The following KHDRBS2 variants were observed in gnomAD, a reference collection of about 807,000 sequenced individuals.
KHDRBS2 encodes KH domain-containing, RNA-binding, signal transduction-associated protein 2.
Under a neutral mutation model 44.3 loss-of-function variants are expected in KHDRBS2, and 26 were observed. The ratio of observed to expected loss-of-function variants is 0.59; its 90% CI spans 0.43 to 0.81. The LOEUF (loss-of-function observed/expected upper bound fraction) is 0.81. Among genes scored for constraint, KHDRBS2 ranks in the 40% least tolerant of loss-of-function variants. The pLI, the probability that KHDRBS2 is intolerant of heterozygous loss-of-function variation, is 0.00. For synonymous variants in KHDRBS2, 194 were observed against 151.1 expected (o/e 1.28, Z -2.08); for missense variants, 476 against 433.1 (o/e 1.10, Z -0.88).
At chr6:62,186,118 A>G (rs1823362569) in intron 1 of KHDRBS2, among the ~76,000 whole-genome samples, 1 of 152,058 alleles carries the variant, frequency 6.6e-6, no homozygotes, top group Non-Finnish European at 1.5e-5. Context: ...GACACTTGCC[A>G]ACAAGTGATG....
At chr6:61,741,583 G>A (rs1776142365) in intron 6 of KHDRBS2, among the ~76,000 whole-genome samples, 1 of 151,854 alleles carries the variant, frequency 6.6e-6, no homozygotes, top group Non-Finnish European at 1.5e-5. Flanking sequence ...CAGGTAGTGA[G>A]TATAGGACTC....
chr6:61,919,104 A>G (rs868748708), intron 4 of KHDRBS2, among the ~76,000 whole-genome samples: 1 of 151,944 alleles, frequency 6.6e-6, no homozygotes, highest in African/African-American at 2.4e-5. Context: ...ATCCTCATAC[A>G]TGTTCATTTA....
At chr6:61,695,435 G>C (rs2127543283) in intron 8 of KHDRBS2, among the ~76,000 whole-genome samples, 1 of 152,240 alleles carries the variant, frequency 6.6e-6, no homozygotes, top group Admixed American at 6.5e-5. Context: ...ATGGAGGTTA[G>C]AGTAAACAAA....
At chr6:61,668,842 A>C in the KHDRBS2 span, among the ~76,000 whole-genome samples, 1 of 150,972 alleles carries the variant, frequency 6.6e-6, no homozygotes, top group African/African-American at 2.4e-5. Context: ...GGGTATCATC[A>C]GATTGGAAAA....
the KHDRBS2 span, among the ~76,000 whole-genome samples, chr6:61,602,185 T>A: frequency 6.6e-6 from 1 of 152,134 alleles, no homozygotes; most frequent in African/African-American, 2.4e-5. Flanking sequence ...AGGACTTAAT[T>A]AACCTAGCCT....
At chr6:62,134,346 C>G (rs1208006406) in intron 2 of KHDRBS2, among the ~76,000 whole-genome samples, 1 of 152,098 alleles carries the variant, frequency 6.6e-6, no homozygotes, top group East Asian at 1.9e-4. Context: ...TGTAGGTGCA[C>G]AGAAGTCAAG....
intron 4 of KHDRBS2, among the ~76,000 whole-genome samples, chr6:61,964,836 A>G (rs1303296387): frequency 6.6e-6 from 1 of 152,116 alleles, no homozygotes. Flanking sequence ...ATTTCCACAC[A>G]GGTGTTTAGG....
the KHDRBS2 span, among the ~76,000 whole-genome samples, chr6:61,636,516 T>G: frequency 6.6e-6 from 1 of 152,126 alleles, no homozygotes; most frequent in Non-Finnish European, 1.5e-5. Flanking sequence ...ACTTTCCATC[T>G]AATCTTGTGA....
the KHDRBS2 span, among the ~76,000 whole-genome samples, chr6:61,604,028 C>T: frequency 6.6e-6 from 1 of 152,174 alleles, no homozygotes; most frequent in African/African-American, 2.4e-5. Context: ...CCGCTCTGCC[C>T]CCTCCACTAC....
chr6:61,593,495 C>A, the KHDRBS2 span, among the ~76,000 whole-genome samples: 3 of 147,274 alleles, frequency 2.0e-5, no homozygotes, highest in Non-Finnish European at 1.5e-5. Context: ...TTTTTTGACA[C>A]ATAGTTTTTC....
At chr6:61,757,292 T>C (rs553783129) in intron 6 of KHDRBS2, among the ~76,000 whole-genome samples, 1 of 152,284 alleles carries the variant, frequency 6.6e-6, no homozygotes, top group African/African-American at 2.4e-5. Context: ...GATTTATCAG[T>C]TTCTCACTGC....
intron 7 of KHDRBS2, among the ~76,000 whole-genome samples, chr6:61,713,545 A>C (rs1022608176): frequency 6.7e-6 from 1 of 150,274 alleles, no homozygotes; most frequent in Non-Finnish European, 1.5e-5. Context: ...ATATCCTTGT[A>C]GTACAATTTG....
chr6:61,611,661 GC>G, the KHDRBS2 span, among the ~76,000 whole-genome samples: 16 of 152,096 alleles, frequency 1.1e-4, no homozygotes, highest in African/African-American at 3.9e-4. Context: ...CAAAATTTCA[GC>G]TTTTATTTTA....
At chr6:61,585,106 A>C in the KHDRBS2 span, among the ~76,000 whole-genome samples, 225 of 152,088 alleles carry the variant, frequency 1.5e-3, no homozygotes, top group Non-Finnish European at 1.0e-3. Context: ...CAGCAAAACA[A>C]CTTGAATGCA....
chr6:61,913,794 A>G (rs1806473508), intron 4 of KHDRBS2, among the ~76,000 whole-genome samples: 1 of 152,100 alleles, frequency 6.6e-6, no homozygotes, highest in African/African-American at 2.4e-5. Context: ...GGAGTCTGTC[A>G]TGTGTGGATC....
chr6:61,892,968 TG>T (rs372143714), intron 6 of KHDRBS2, among the ~76,000 whole-genome samples: 3 of 151,084 alleles, frequency 2.0e-5, no homozygotes, highest in Non-Finnish European at 4.4e-5. Flanking sequence ...AACAGGCAAC[TG>T]ACAGAATGGG....
chr6:61,952,645 C>A (rs1004378283), intron 4 of KHDRBS2, among the ~76,000 whole-genome samples: 13 of 152,034 alleles, frequency 8.6e-5, no homozygotes, highest in African/African-American at 3.1e-4. Flanking sequence ...ACTCCACTCA[C>A]TGTAGCTTCA....
chr6:61,668,318 T>A, the KHDRBS2 span, among the ~76,000 whole-genome samples: 1 of 151,064 alleles, frequency 6.6e-6, no homozygotes, highest in South Asian at 2.1e-4. Flanking sequence ...TTTATAATTT[T>A]CTAAAAATAC....
intron 8 of KHDRBS2, among the ~76,000 whole-genome samples, chr6:61,682,166 T>TA (rs1766377670): frequency 6.6e-6 from 1 of 151,904 alleles, no homozygotes; most frequent in South Asian, 2.1e-4. Flanking sequence ...TGAGAAAGAC[T>TA]ACTAGAAAAG....
Sources: gnomAD v4.1 joint callset for allele counts (sites outside exome capture counted in the v4.1 genomes callset) on GRCh38, gnomAD v4.1.1 for gene constraint, MANE v1.5 for transcripts, NCBI Gene and HGNC (gene_info 2026-07-23, HGNC 2026-07-21) for gene names.